CCDC66: variants seen among roughly 807,000 people sequenced by gnomAD.
CCDC66 encodes the protein coiled-coil domain-containing protein 66.
CCDC66 carries 133 observed loss-of-function variants against 128.3 expected under a neutral mutation model. That is an observed-to-expected ratio of 1.04 (90% confidence interval 0.90 to 1.20). The LOEUF (loss-of-function observed/expected upper bound fraction) is 1.20. Ranked by LOEUF, CCDC66 falls within the 50% of genes most tolerant of loss-of-function variation. The pLI, the probability that CCDC66 is intolerant of heterozygous loss-of-function variation, is 0.00. For synonymous variants in CCDC66, 387 were observed against 357.0 expected (o/e 1.08, Z -0.95); for missense variants, 1,126 against 1,075.5 (o/e 1.05, Z -0.66).
intron 15 of CCDC66, chr3:56,619,052 T>C: frequency 2.4e-6 from 1 of 421,634 alleles, no homozygotes; most frequent in South Asian, 3.5e-5. Flanking sequence ...ACCCCGTCTC[T>C]ACTAAAAATA....
chr3:56,571,306 A>G lies in CCDC66; in HGVS notation c.936+4A>G, dbSNP rs182818409. 2.6e-3 allele frequency: 3,893 copies of G among 1,489,996 alleles called. 17 individuals are homozygous for G. The highest frequency in any genetic ancestry group is 0.011 in the Admixed American group (543 of 47,952). The allele number at this position is 1,489,996 out of a possible 1,614,324, so 92.3% of individuals were successfully genotyped here. ...TCAAATTCTTGACCAATCTAGGGTA[A>G]GACATCTTAATTGCAATTTTTAAAA... On this transcript the variant is annotated splice_donor_region_variant and intron_variant, in intron 7 of 17. Transcript: ENST00000394672.
At chr3:56,590,276 C>G (rs2070639388) in intron 7 of CCDC66, among the ~76,000 whole-genome samples, 1 of 152,212 alleles carries the variant, frequency 6.6e-6, no homozygotes, top group African/African-American at 2.4e-5. Flanking sequence ...AAACAGGCAT[C>G]TGTAGTGGAC....
chr3:56,589,945 G>T (rs1192469440), intron 7 of CCDC66, among the ~76,000 whole-genome samples: 2 of 152,242 alleles, frequency 1.3e-5, no homozygotes, highest in African/African-American at 4.8e-5. Flanking sequence ...TCTGGTTCCA[G>T]AGGGAATTTA....
At chr3:56,615,355 A>G in intron 12 of CCDC66, 83 bp downstream of exon 12, 2 of 1,382,840 alleles carry the variant, frequency 1.4e-6, no homozygotes, top group Non-Finnish European at 2.0e-6. Flanking sequence ...TTTGGAGACA[A>G]GGACTCATTC....
Position 56,617,685 on chromosome 3 carries a change from G to C in CCDC66, c.2337+80G>C, listed in dbSNP as rs2075689203. The C allele has an allele frequency of 4.0e-6, 6 of 1,495,106 alleles. No homozygotes were observed. The African/African-American group carries it at 7.0e-5, about 18-fold the overall frequency. The allele number at this position is 1,495,106 out of a possible 1,614,324, so 92.6% of individuals were successfully genotyped here. A position where few individuals can be genotyped will look rare whatever the true frequency, so the allele number is the denominator to read the frequency against. The stretch of plus-strand genomic sequence containing the variant: ...TTTCTCATACGTATGCTTTGGTAAG[G>C]CTGTTCTGATCTGTTTCAGTTTACA... On this transcript the variant is annotated intron_variant, in intron 14 of 17. Coordinates refer to ENST00000394672, the MANE Select transcript of CCDC66 (RefSeq NM_001141947.3).
intron 10 of CCDC66, among the ~76,000 whole-genome samples, chr3:56,603,084 C>T (rs2073480054): frequency 6.6e-6 from 1 of 151,956 alleles, no homozygotes; most frequent in African/African-American, 2.4e-5. Flanking sequence ...ATCCACCCAC[C>T]TCGGCCTCCC....
At chr3:56,619,581 CG>C in intron 16 of CCDC66, 54 bp downstream of exon 16, 1 of 1,535,972 alleles carries the variant, frequency 6.5e-7, no homozygotes, top group South Asian at 1.3e-5. Flanking sequence ...ATGTAAACCC[CG>C]TCAACAACTT....
chr3:56,616,279 A>G (rs1358584879), intron 13 of CCDC66: 1 of 400,922 alleles, frequency 2.5e-6, no homozygotes, highest in Non-Finnish European at 4.4e-6. Flanking sequence ...CATTACCACA[A>G]TCAATTCTAA....
intron 3 of CCDC66, among the ~76,000 whole-genome samples, chr3:56,562,739 A>G (rs1260257240): frequency 6.6e-6 from 1 of 151,910 alleles, no homozygotes; most frequent in Non-Finnish European, 1.5e-5. Context: ...TCTGGGTTCA[A>G]GCGATTCTCT....
At chr3:56,587,294 T>C (rs2069956370) in intron 7 of CCDC66, among the ~76,000 whole-genome samples, 1 of 151,862 alleles carries the variant, frequency 6.6e-6, no homozygotes, top group Non-Finnish European at 1.5e-5. Context: ...AATGTTATAG[T>C]GGATTTTATT....
In CCDC66 at chr3:56,615,105, T is replaced by TA. The variant is rs746264998; in HGVS notation, c.1567-22dup. 1.9e-6 allele frequency: 3 copies of TA among 1,607,790 alleles called. No individual in the cohort carries two copies. The Admixed American group carries it at 5.1e-5, about 27-fold the overall frequency. ...TCTTTGTATGTTTAATAGATGAATTTAGTAACACATCAATATTGACAGGAA... is the reference window on the plus strand; with the variant it reads ...TCTTTGTATGTTTAATAGATGAATTTAAGTAACACATCAATATTGACAGGAA... On this transcript the variant is annotated intron_variant, in intron 11 of 17. Coordinates refer to ENST00000394672, the MANE Select transcript of CCDC66 (RefSeq NM_001141947.3).
At position 56,617,202 on chromosome 3, in the gene CCDC66, T is replaced by C; in HGVS notation, c.1934T>C (p.Ile645Thr). The C allele has an allele frequency of 6.2e-7, 1 of 1,613,620 alleles. No individual in the cohort carries two copies. Among genetic ancestry groups the C allele is most frequent in the Non-Finnish European group, 8.5e-7 (1 of 1,179,862 alleles). The change falls in exon 14 of 18, where the codon ATT becomes ACT. Residue 645 changes from isoleucine to threonine, a missense_variant. Ile to Thr is a moderately conservative substitution (Grantham distance 89). Coordinates refer to ENST00000394672, the MANE Select transcript of CCDC66 (RefSeq NM_001141947.3). Reference sequence around the variant, plus strand: ...ATCACAAATTGTTCATCTCCTGAGATTTCGGCAGAACTTATTGGACAGTTT... The same window carrying C: ...ATCACAAATTGTTCATCTCCTGAGACTTCGGCAGAACTTATTGGACAGTTT... ...RDITNCSSPE[I>T]SAELIGQFST...
chr3:56,605,918 A>G (rs2074002327), intron 10 of CCDC66, among the ~76,000 whole-genome samples: 2 of 151,682 alleles, frequency 1.3e-5, no homozygotes, highest in Admixed American at 6.6e-5. Context: ...TAGGGGTTTT[A>G]TCTATAAGCC....
intron 4 of CCDC66, among the ~76,000 whole-genome samples, chr3:56,564,874 A>G (rs2065582533): frequency 6.6e-6 from 1 of 152,226 alleles, no homozygotes; most frequent in African/African-American, 2.4e-5. Flanking sequence ...AGATGGAATT[A>G]TTTACTCTCT....
Position 56,563,741 on chromosome 3 carries a change from C to G in CCDC66, c.160C>G (p.Leu54Val), listed in dbSNP as rs1368411082. The change falls in exon 4 of 18, where the codon CTA becomes GTA. Residue 54 changes from leucine to valine, a missense_variant. Physicochemically the swap from Leu to Val is conservative, Grantham distance 32 (BLOSUM62 1). Coordinates refer to ENST00000394672, the MANE Select transcript of CCDC66 (RefSeq NM_001141947.3). ...CPLRTKTGHI[L>V]KSTQDTCIGS... ...TTTAAGAACAAAAACTGGGCACATT[C>G]TAAAATCAACACAAGATACTTGTAT... The G allele has an allele frequency of 1.9e-6, 3 of 1,551,476 alleles. No homozygotes were observed. The highest frequency in any genetic ancestry group is 1.2e-5 in the South Asian group (1 of 84,028).
At chr3:56,587,024 A>G (rs898043629) in intron 7 of CCDC66, among the ~76,000 whole-genome samples, 1 of 151,880 alleles carries the variant, frequency 6.6e-6, no homozygotes, top group Non-Finnish European at 1.5e-5. Context: ...CTTGGGCCAC[A>G]GAGCAAGACC....
rs1191374666 is a variant in CCDC66 at position 56,619,905 on chromosome 3, T to C, written c.2760+4T>C. The C allele has an allele frequency of 1.9e-6, 3 of 1,613,434 alleles. No homozygotes were observed. Among genetic ancestry groups the C allele is most frequent in the Non-Finnish European group, 2.5e-6 (3 of 1,179,740 alleles). On this transcript the variant is annotated splice_donor_region_variant and intron_variant, in intron 17 of 17. Transcript: ENST00000394672. ...GGGACTTTCAGAACTGAGACAGGTA[T>C]GAGCTTTTTCAAGTGTAGATATGTC...
At chr3:56,575,970 C>G (rs1308638328) in intron 7 of CCDC66, among the ~76,000 whole-genome samples, 1 of 151,754 alleles carries the variant, frequency 6.6e-6, no homozygotes, top group Non-Finnish European at 1.5e-5. Context: ...TATGACCCTT[C>G]CAACTTTCTT....
intron 11 of CCDC66, among the ~76,000 whole-genome samples, chr3:56,613,990 C>T (rs1371730060): frequency 1.3e-5 from 2 of 152,116 alleles, no homozygotes; most frequent in African/African-American, 2.4e-5. Context: ...TATGTTCAAG[C>T]GATCCTCCCA....
Sources: allele counts gnomAD v4.1 joint callset (sites outside exome capture counted in the v4.1 genomes callset), GRCh38; gene constraint gnomAD v4.1.1; transcripts MANE v1.5; gene names NCBI Gene and HGNC (gene_info 2026-07-23, HGNC 2026-07-21).